TARP: variants seen among roughly 807,000 people sequenced by gnomAD.
At chr7:38,270,372 T>C in the TARP span, among the ~76,000 whole-genome samples, 3 of 151,720 alleles carry the variant, frequency 2.0e-5, no homozygotes, top group Admixed American at 6.6e-5. Context: ...ACAAGAAACA[T>C]GGCTTTCACA....
chr7:38,272,858 G>C, the TARP span, among the ~76,000 whole-genome samples: 6 of 150,948 alleles, frequency 4.0e-5, no homozygotes, highest in Non-Finnish European at 8.8e-5. Flanking sequence ...AAGAGAATCG[G>C]AAGGTCACTT....
At chr7:38,273,450 A>G in the TARP span, 5 of 713,444 alleles carry the variant, frequency 7.0e-6, no homozygotes, top group Non-Finnish European at 1.2e-5. Context: ...CTCCTAAGGC[A>G]TGAACCAAGT....
chr7:38,266,765 T>A, the TARP span, among the ~76,000 whole-genome samples: 10,455 of 99,276 alleles, frequency 0.11, 52 homozygotes, highest in African/African-American at 0.14. Flanking sequence ...CAATTTCACA[T>A]CTGCACCCTC....
the TARP span, among the ~76,000 whole-genome samples, chr7:38,267,353 T>C: frequency 6.6e-6 from 1 of 151,996 alleles, no homozygotes; most frequent in African/African-American, 2.4e-5. Flanking sequence ...GTATTTTTAA[T>C]CTAATAACTG....
At chr7:38,266,179 T>G in the TARP span, among the ~76,000 whole-genome samples, 1 of 151,766 alleles carries the variant, frequency 6.6e-6, no homozygotes, top group Non-Finnish European at 1.5e-5. Context: ...GTAACTTATG[T>G]TCTTTGGCCA....
the TARP span, chr7:38,259,758 C>G: frequency 9.3e-6 from 2 of 215,628 alleles, no homozygotes; most frequent in Non-Finnish European, 1.8e-5. Context: ...AGGCAGTTAT[C>G]TGATTAAAGA....
At chr7:38,272,839 A>G in the TARP span, among the ~76,000 whole-genome samples, 1 of 151,336 alleles carries the variant, frequency 6.6e-6, no homozygotes, top group Non-Finnish European at 1.5e-5. Flanking sequence ...CATTAAGTCA[A>G]TTGGATAAAA....
At chr7:38,263,443 A>T in the TARP span, among the ~76,000 whole-genome samples, 8 of 152,004 alleles carry the variant, frequency 5.3e-5, no homozygotes, top group African/African-American at 1.7e-4. Flanking sequence ...GTTATTTATA[A>T]AGAGGCAATA....
the TARP span, chr7:38,265,548 T>C: frequency 6.2e-7 from 1 of 1,612,256 alleles, no homozygotes; most frequent in Non-Finnish European, 8.5e-7. Context: ...CTTGCCAATG[T>C]ATCTTAATAA....
the TARP span, among the ~76,000 whole-genome samples, chr7:38,266,319 G>C: frequency 6.6e-6 from 1 of 150,544 alleles, no homozygotes; most frequent in South Asian, 2.1e-4. Context: ...AATTTTTGTT[G>C]TTGTTGAGAC....
At chr7:38,273,362 G>C in the TARP span, among the ~76,000 whole-genome samples, 2 of 150,264 alleles carry the variant, frequency 1.3e-5, no homozygotes, top group African/African-American at 2.5e-5. Flanking sequence ...ACAACATAAG[G>C]CCTCCATCCT....
chr7:38,261,022 C>G, the TARP span, among the ~76,000 whole-genome samples: 12 of 151,912 alleles, frequency 7.9e-5, no homozygotes, highest in East Asian at 7.7e-4. Context: ...TGCCAGACAT[C>G]TCACATTCAT....
At chr7:38,264,936 C>T in the TARP span, among the ~76,000 whole-genome samples, 1 of 151,578 alleles carries the variant, frequency 6.6e-6, no homozygotes, top group Admixed American at 6.6e-5. Flanking sequence ...AGTGACTCTC[C>T]TGCTTGGGCA....
At chr7:38,268,261 A>T in the TARP span, among the ~76,000 whole-genome samples, 2 of 151,422 alleles carry the variant, frequency 1.3e-5, no homozygotes, top group African/African-American at 4.9e-5. Flanking sequence ...TTTATTTGCA[A>T]AATCAAATAG....
chr7:38,272,002 T>C, the TARP span, among the ~76,000 whole-genome samples: 7 of 151,372 alleles, frequency 4.6e-5, no homozygotes, highest in Admixed American at 2.0e-4. Context: ...AAAATACATA[T>C]TTTCTTAAAC....
chr7:38,261,937 A>G, the TARP span, among the ~76,000 whole-genome samples: 3 of 151,130 alleles, frequency 2.0e-5, no homozygotes, highest in Non-Finnish European at 4.4e-5. Flanking sequence ...TTTTTTTGAA[A>G]TAATTAAAAG....
At chr7:38,263,632 A>T in the TARP span, among the ~76,000 whole-genome samples, 20 of 151,508 alleles carry the variant, frequency 1.3e-4, no homozygotes, top group East Asian at 3.9e-3. Context: ...AGTTGAATTT[A>T]TCTGTGATGT....
chr7:38,264,402 C>A, the TARP span, among the ~76,000 whole-genome samples: 4 of 151,450 alleles, frequency 2.6e-5, no homozygotes, highest in East Asian at 1.9e-4. Flanking sequence ...ACCAGCCTGG[C>A]CAACATGGTG....
the TARP span, among the ~76,000 whole-genome samples, chr7:38,269,928 C>G: frequency 6.6e-6 from 1 of 151,744 alleles, no homozygotes; most frequent in African/African-American, 2.4e-5. Flanking sequence ...AGTGAGACCC[C>G]ATATTCACTA....
Sources: allele counts gnomAD v4.1 joint callset (sites outside exome capture counted in the v4.1 genomes callset), GRCh38; gene constraint gnomAD v4.1.1; transcripts MANE v1.5.